ELMO2: variants seen among roughly 807,000 people sequenced by gnomAD.
ELMO2 encodes the protein engulfment and cell motility 2, also known as engulfment and cell motility protein 2.
In ELMO2, 37 loss-of-function variants were observed where a neutral mutation model predicts 96.2. The observed-to-expected ratio is 0.38, with a 90% confidence interval of 0.30 to 0.51. The LOEUF is 0.51. Among genes scored for constraint, ELMO2 ranks in the 20% least tolerant of loss-of-function variants. ELMO2 has a pLI of 0.88. For synonymous variants in ELMO2, 315 were observed against 329.4 expected (o/e 0.96, Z 0.47); for missense variants, 561 against 912.6 (o/e 0.61, Z 4.96).
chr20:46,367,688 T>A (rs1490336542), intron 21 of ELMO2, 128 bp from the exon 22 acceptor site: 1 of 546,256 alleles, frequency 1.8e-6, no homozygotes, highest in Non-Finnish European at 3.0e-6. Flanking sequence ...CAAAACTGAT[T>A]TGGAATGATA....
intron 9 of ELMO2, among the ~76,000 whole-genome samples, chr20:46,385,682 A>C (rs1016428298): frequency 3.9e-5 from 6 of 152,228 alleles, no homozygotes; most frequent in Non-Finnish European, 8.8e-5. Context: ...TTCAACAAGC[A>C]CTAATTGAGC....
chr20:46,371,567 G>A lies in ELMO2; in HGVS notation c.1693+12C>T, dbSNP rs763747637. 2.4e-5 allele frequency: 38 copies of A among 1,603,520 alleles called. No individual in the cohort carries two copies. In the Middle Eastern group the frequency reaches 5.0e-4, roughly 21 times the overall value. ...TCTTCCCGGCACCAAGGATTGCCCC[G>A]TCTCCTCTCACCTTGCCTTCGGCGG... On this transcript the variant is annotated intron_variant, in intron 18 of 21. Transcript: ENST00000290246. This position sits in a 1 kb window ranked among gnomAD's most constrained non-coding sequence, Gnocchi z 5.9.
In ELMO2 at chr20:46,371,296, T is replaced by G. The variant is rs1309421401; in HGVS notation, c.1801+56A>C. ...CAGCTACAAACAGCTGGACTAGAAC[T>G]CCTGTCTCCTGACAAGTCCAGCAAC... On this transcript the variant is annotated intron_variant, in intron 19 of 21. Transcript: ENST00000290246. This position sits in a 1 kb window ranked among gnomAD's most constrained non-coding sequence, Gnocchi z 5.9. The G allele has an allele frequency of 7.1e-6, 11 of 1,543,694 alleles. No homozygotes were observed. In the African/African-American group the frequency reaches 1.2e-4, roughly 17 times the overall value.
At chr20:46,388,905 G>A in intron 7 of ELMO2, 134 bp downstream of exon 7, 4 of 842,656 alleles carry the variant, frequency 4.7e-6, no homozygotes, top group Non-Finnish European at 5.5e-6. Flanking sequence ...GGACTCTAGT[G>A]CTTGGCACAC....
chr20:46,393,632 TGGC>T, intron 4 of ELMO2, 31 bp from the exon 5 acceptor site: 1 of 1,608,714 alleles, frequency 6.2e-7, no homozygotes, highest in Admixed American at 1.7e-5. Flanking sequence ...ATATCCCACT[TGGC>T]CACTCTCTTG....
Position 46,393,402 on chromosome 20 carries a change from G to A in ELMO2, c.192+127C>T, listed in dbSNP as rs2258924. The A allele has an allele frequency of 1.2e-4, 133 of 1,120,726 alleles. No homozygotes were observed. In the East Asian group the frequency reaches 1.3e-3, roughly 11 times the overall value. 69.4% of individuals were successfully genotyped at this position (1,120,726 alleles called of 1,614,324 possible). On this transcript the variant is annotated intron_variant, in intron 5 of 21. Transcript: ENST00000290246. ...AGGGCTGGTGTTTCCCAGTCTGTCC[G>A]GAGAGTGACTCTTTACCCAACACAT...
At chr20:46,381,878 G>T (rs535980050) in intron 10 of ELMO2, among the ~76,000 whole-genome samples, 117 of 152,300 alleles carry the variant, frequency 7.7e-4, no homozygotes, top group African/African-American at 2.7e-3. Flanking sequence ...AAGTAAGAAG[G>T]TGACGCATCC....
chr20:46,390,187 A>C (rs969046582), intron 6 of ELMO2, among the ~76,000 whole-genome samples: 9 of 152,150 alleles, frequency 5.9e-5, no homozygotes, highest in African/African-American at 2.2e-4. Flanking sequence ...AAAATTTATA[A>C]AACTGTTAGA....
intron 11 of ELMO2, 141 bp downstream of exon 11, chr20:46,380,112 A>G: frequency 1.5e-6 from 1 of 672,058 alleles, no homozygotes; most frequent in South Asian, 2.4e-5. Flanking sequence ...AAAGCTATTC[A>G]GTTCAAGAGG....
At chr20:46,367,591 C>T (rs1057254687) in intron 21 of ELMO2, 31 bp from the exon 22 acceptor site, 17 of 1,564,696 alleles carry the variant, frequency 1.1e-5, no homozygotes, top group South Asian at 4.7e-5. Flanking sequence ...AATGTCACAT[C>T]GTGACCCCTG....
At position 46,403,383 on chromosome 20, in the gene ELMO2, G is replaced by C. The variant is rs75519349; in HGVS notation, c.-126+3165C>G. On this transcript the variant is annotated intron_variant, in intron 1 of 21. Coordinates refer to ENST00000290246, the MANE Select transcript of ELMO2 (RefSeq NM_133171.5). ...AGAAGTGCTCAACAAATATTTTCTA[G>C]TGACTCACATGAAACCAGCATAGCA... is the stretch of plus-strand genomic sequence containing the variant. Among the ~76,000 whole-genome samples the C allele has an allele frequency of 2.1e-3, 324 of 152,340 alleles. 1 individual carries two copies. Among genetic ancestry groups the C allele is most frequent in the African/African-American group, 7.5e-3 (310 of 41,568 alleles).
chr20:46,376,751 C>T, intron 11 of ELMO2: 1 of 1,289,442 alleles, frequency 7.8e-7, no homozygotes, highest in South Asian at 1.2e-5. Context: ...AAATGAGGCT[C>T]TCCTCCATTT....
intron 7 of ELMO2, among the ~76,000 whole-genome samples, chr20:46,388,592 CGTGTGTGTGTGT>C (rs3079791): frequency 6.8e-6 from 1 of 148,030 alleles, no homozygotes; most frequent in Admixed American, 6.8e-5. Flanking sequence ...CAAAGGAAGG[CGTGTGTGTGTGT>C]GTGTGTGTGT....
At chr20:46,377,692 CCCCT>C (rs2059887965) in intron 11 of ELMO2, among the ~76,000 whole-genome samples, 1 of 152,206 alleles carries the variant, frequency 6.6e-6, no homozygotes, top group South Asian at 2.1e-4. Flanking sequence ...TCCCTCCCTC[CCCCT>C]GAATCGGTGA....
Position 46,373,518 on chromosome 20 carries a change from C to G in ELMO2, c.1297G>C (p.Asp433His). ...TGGGTAAAGAACATCGGGTGGTAGTCATTGCGTCCTTCATTTGCTGTGGAA... is the reference window on the plus strand; with the variant it reads ...TGGGTAAAGAACATCGGGTGGTAGTGATTGCGTCCTTCATTTGCTGTGGAA... ...VGELPNEGRNDYHPMFFTHDR... is the reference protein window; with the variant it reads ...VGELPNEGRNHYHPMFFTHDR... The change falls in exon 16 of 22, where the codon GAC becomes CAC. Residue 433 changes from aspartate to histidine, a missense_variant. Asp to His is a moderately conservative substitution (Grantham distance 81). Coordinates refer to ENST00000290246, the MANE Select transcript of ELMO2 (RefSeq NM_133171.5). The G allele has an allele frequency of 6.2e-7, 1 of 1,614,122 alleles. No homozygotes were observed. Among genetic ancestry groups the G allele is most frequent in the Non-Finnish European group, 8.5e-7 (1 of 1,180,012 alleles).
intron 11 of ELMO2, chr20:46,376,702 A>G: frequency 7.8e-7 from 1 of 1,289,216 alleles, no homozygotes; most frequent in East Asian, 5.6e-5. Context: ...TGTCTCACCC[A>G]CCATTATGAA....
chr20:46,369,857 C>T, intron 20 of ELMO2: 1 of 168,972 alleles, frequency 5.9e-6, no homozygotes, highest in South Asian at 8.4e-5. Flanking sequence ...AGCTAATAAA[C>T]TGCAAAGGAA....
chr20:46,392,095 T>G (rs2060160723), intron 6 of ELMO2, among the ~76,000 whole-genome samples: 1 of 152,192 alleles, frequency 6.6e-6, no homozygotes, highest in South Asian at 2.1e-4. Context: ...ACCTCCCAAG[T>G]CATTAGACAG....
intron 11 of ELMO2, among the ~76,000 whole-genome samples, chr20:46,376,457 C>T (rs1336810409): frequency 6.6e-6 from 1 of 152,094 alleles, no homozygotes; most frequent in Admixed American, 6.6e-5. Flanking sequence ...CTCTGTGCCC[C>T]CACATTCCCC....
Sources: allele counts gnomAD v4.1 joint callset (sites outside exome capture counted in the v4.1 genomes callset), GRCh38; gene constraint gnomAD v4.1.1; non-coding constraint Gnocchi (gnomAD v3.1); transcripts MANE v1.5; gene names NCBI Gene and HGNC (gene_info 2026-07-23, HGNC 2026-07-21).